UBE2J2: variants seen among roughly 807,000 people sequenced by gnomAD.
The protein encoded by UBE2J2 is ubiquitin-conjugating enzyme E2 J2.
In UBE2J2, 5 loss-of-function variants were observed where a neutral mutation model predicts 28.6. That is an observed-to-expected ratio of 0.17 (90% CI 0.09 to 0.37). UBE2J2 has a LOEUF of 0.37. Among genes scored for constraint, UBE2J2 ranks in the 10% least tolerant of loss-of-function variants. The probability of loss-of-function intolerance (pLI) is 1.00; values close to 1 mark genes in which losing one functional copy is unlikely to be tolerated. For synonymous variants in UBE2J2, 138 were observed against 139.7 expected (o/e 0.99, Z 0.09); for missense variants, 226 against 338.9 (o/e 0.67, Z 2.62).
intron 2 of UBE2J2, 160 bp downstream of exon 2, chr1:1,267,702 G>C: frequency 6.8e-7 from 1 of 1,466,972 alleles, no homozygotes; most frequent in Non-Finnish European, 9.0e-7. Flanking sequence ...AGACCAGAGA[G>C]TGTCCACAGG....
intron 3 of UBE2J2, among the ~76,000 whole-genome samples, chr1:1,259,054 CGTGTGTGCAT>C (rs1639385975): frequency 6.8e-6 from 1 of 148,080 alleles, no homozygotes; most frequent in African/African-American, 2.5e-5. Flanking sequence ...TCAGGACGCA[CGTGTGTGCAT>C]GTGTGTGTGC....
At chr1:1,265,940 C>T (rs996235585) in intron 2 of UBE2J2, among the ~76,000 whole-genome samples, 5 of 152,142 alleles carry the variant, frequency 3.3e-5, no homozygotes, top group Middle Eastern at 3.4e-3. Flanking sequence ...GACTTCTCTC[C>T]GTAATTTTAA....
intron 2 of UBE2J2, among the ~76,000 whole-genome samples, chr1:1,264,580 T>C (rs1054509838): frequency 1.3e-4 from 20 of 152,170 alleles, no homozygotes; most frequent in Non-Finnish European, 1.5e-5. Context: ...GAGACCAGCC[T>C]GGTCAACATG....
chr1:1,269,266 AGAG>A, intron 1 of UBE2J2, among the ~76,000 whole-genome samples: 1 of 142,666 alleles, frequency 7.0e-6, no homozygotes, highest in East Asian at 2.1e-4. Flanking sequence ...ATCATGCAAG[AGAG>A]GAGGCTGGAT....
In UBE2J2 at chr1:1,270,966, G is replaced by A. The variant is rs558365416; in HGVS notation, c.-1+2700C>T. 9.9e-4 allele frequency among the ~76,000 whole-genome samples: 151 copies of A among 152,300 alleles called. 1 individual carries two copies. Among genetic ancestry groups the A allele is most frequent in the Non-Finnish European group, 1.8e-3 (123 of 68,036 alleles). On this transcript the variant is annotated intron_variant, in intron 1 of 6. Coordinates refer to ENST00000349431, the MANE Select transcript of UBE2J2 (RefSeq NM_058167.3). ...TCACAGCTGCTTCCCAGCCTAGCCT[G>A]TACTGGAAACTCCCCAGGCCCTTCC... is the stretch of plus-strand genomic sequence containing the variant.
intron 2 of UBE2J2, among the ~76,000 whole-genome samples, chr1:1,264,067 T>A (rs1432439483): frequency 6.6e-5 from 10 of 152,212 alleles, no homozygotes. Context: ...ATATCACACA[T>A]GCAGGCTAAA....
chr1:1,268,183 C>T lies in UBE2J2; in HGVS notation c.1-191G>A, dbSNP rs542253886. ...CAGAGGCCCTGCGGCTTCTCTCTTC[C>T]CGTCTGTCCCGCCACCACCTTCATT... On this transcript the variant is annotated intron_variant, in intron 1 of 6. Coordinates refer to ENST00000349431, the MANE Select transcript of UBE2J2 (RefSeq NM_058167.3). The surrounding 1 kb of genome is among the most constrained non-coding windows in gnomAD (Gnocchi z 4.7). Among the ~76,000 whole-genome samples, 16 of 152,244 alleles carry T rather than the reference C, an allele frequency of 1.1e-4. No homozygotes were observed. The highest frequency in any genetic ancestry group is 3.6e-4 in the African/African-American group (15 of 41,534).
At position 1,273,803 on chromosome 1, in the gene UBE2J2, G is replaced by GCGC. The variant is rs3831194; in HGVS notation, c.-141_-139dup. 0.16 allele frequency: 24,373 copies of GCGC among 153,456 alleles called. 3,769 individuals carry two copies. Among genetic ancestry groups the GCGC allele is most frequent in the East Asian group, 0.59 (3,019 of 5,124 alleles). 9.5% of individuals were successfully genotyped at this position (153,456 alleles called of 1,614,324 possible). A position where few individuals can be genotyped will look rare whatever the true frequency, so the allele number is the denominator to read the frequency against. ...GATTGGGCCCACCGAACCCGCCGCA[G>GCGC]CGCCGCCGCCGCCGCCTCAGCCTCC... On this transcript the variant is annotated 5_prime_UTR_variant, in exon 1 of 7. Coordinates refer to ENST00000349431, the MANE Select transcript of UBE2J2 (RefSeq NM_058167.3).
At position 1,265,603 on chromosome 1, in the gene UBE2J2, TTGTGTGTGTGTG is replaced by T. The variant is rs57125925; in HGVS notation, c.132-2229_132-2218del. On this transcript the variant is annotated intron_variant, in intron 2 of 6. Transcript: ENST00000349431. ...TGTGTGTGTGTGTGTTTTCTCTCCA[TTGTGTGTGTGTG>T]TGTGTGTGTGTGTGTGTGTGTGTGT... Among the ~76,000 whole-genome samples the T allele has an allele frequency of 1.5e-3, 184 of 121,020 alleles. 3 individuals are homozygous for T. The highest frequency in any genetic ancestry group is 0.015 in the South Asian group (50 of 3,310). 79.4% of individuals were successfully genotyped at this position (121,020 alleles called of 152,430 possible).
intron 3 of UBE2J2, among the ~76,000 whole-genome samples, chr1:1,261,546 G>C (rs1639560576): frequency 1.3e-5 from 2 of 151,818 alleles, no homozygotes; most frequent in Admixed American, 1.3e-4. Flanking sequence ...TGTGGATACA[G>C]AATTAATATT....
chr1:1,269,831 C>A (rs1640058925), intron 1 of UBE2J2, among the ~76,000 whole-genome samples: 1 of 152,318 alleles, frequency 6.6e-6, no homozygotes, highest in Admixed American at 6.5e-5. Context: ...GACCAGTGAT[C>A]TCCATCCTGA....
chr1:1,259,452 A>G (rs557035340), intron 3 of UBE2J2, among the ~76,000 whole-genome samples: 2 of 152,172 alleles, frequency 1.3e-5, no homozygotes, highest in East Asian at 1.9e-4. Flanking sequence ...CCCTGCCCCA[A>G]TGCGAGTCCC....
intron 3 of UBE2J2, among the ~76,000 whole-genome samples, chr1:1,261,709 C>G (rs1232800183): frequency 1.3e-5 from 2 of 148,414 alleles, no homozygotes; most frequent in Non-Finnish European, 3.0e-5. Flanking sequence ...TGGAGTGCAG[C>G]GATCTCGGCT....
At chr1:1,271,974 C>CAAAAAAAAAAAAAAAAAAAAAAAA (rs60924258) in intron 1 of UBE2J2, among the ~76,000 whole-genome samples, 3 of 27,616 alleles carry the variant, frequency 1.1e-4, no homozygotes, top group South Asian at 2.5e-3. Flanking sequence ...AACTCCGTCT[C>CAAAAAAAAAAAAAAAAAAAAAAAA]AAAAAAAAAA....
intron 2 of UBE2J2, among the ~76,000 whole-genome samples, chr1:1,263,945 T>C (rs753411609): frequency 4.6e-5 from 7 of 152,178 alleles, no homozygotes; most frequent in Non-Finnish European, 1.0e-4. Flanking sequence ...TGAGCTATGA[T>C]TGTGCCACCA....
intron 5 of UBE2J2, among the ~76,000 whole-genome samples, chr1:1,256,747 G>A (rs1029624630): frequency 1.2e-4 from 18 of 152,158 alleles, no homozygotes; most frequent in African/African-American, 3.9e-4. Context: ...TTAGCCGGGC[G>A]TGGTGGCGGG....
chr1:1,269,457 C>CT (rs981424618), intron 1 of UBE2J2, among the ~76,000 whole-genome samples: 4 of 149,608 alleles, frequency 2.7e-5, no homozygotes, highest in African/African-American at 1.0e-4. Context: ...CAACTCAAAC[C>CT]TTATTTTTTT....
intron 2 of UBE2J2, chr1:1,265,950 A>C (rs776692877): frequency 4.3e-6 from 4 of 930,072 alleles, no homozygotes; most frequent in Non-Finnish European, 5.9e-6. Flanking sequence ...CGTAATTTTA[A>C]TGGTGAGTAT....
chr1:1,272,305 G>T (rs1383062552), intron 1 of UBE2J2, among the ~76,000 whole-genome samples: 10 of 152,242 alleles, frequency 6.6e-5, no homozygotes, highest in African/African-American at 2.4e-4. Context: ...AAAAGGCACA[G>T]GAAAAAAAAA....
Sources: gnomAD v4.1 joint callset for allele counts (sites outside exome capture counted in the v4.1 genomes callset) on GRCh38, gnomAD v4.1.1 for gene constraint, Gnocchi (gnomAD v3.1) non-coding constraint, MANE v1.5 for transcripts, NCBI Gene and HGNC (gene_info 2026-07-23, HGNC 2026-07-21) for gene names.